Variants in PARVA observed in about 807,000 individuals in gnomAD.
The protein encoded by PARVA is alpha-parvin.
In PARVA, 25 loss-of-function variants were observed where a neutral mutation model predicts 52.6. That is an observed-to-expected ratio of 0.48 (90% CI 0.35 to 0.66). The LOEUF is 0.66. Ranked by LOEUF, PARVA falls within the 30% of genes least tolerant of loss-of-function variation. PARVA has a pLI of 0.01. For missense variants in PARVA, 373 were observed against 450.9 expected, an observed-to-expected ratio of 0.83 and a Z score of 1.56; for synonymous variants, 185 against 179.1, an observed-to-expected ratio of 1.03 and a Z score of -0.26.
chr11:12,475,748 T>C (rs923326189), intron 3 of PARVA, among the ~76,000 whole-genome samples: 6 of 146,804 alleles, frequency 4.1e-5, no homozygotes, highest in Non-Finnish European at 7.4e-5. Flanking sequence ...GAGGCAGCCT[T>C]GGCTAGGCCG....
intron 1 of PARVA, among the ~76,000 whole-genome samples, chr11:12,446,987 G>A (rs544083713): frequency 6.6e-6 from 1 of 152,284 alleles, no homozygotes; most frequent in Admixed American, 6.5e-5. Context: ...CTTCTTCCAG[G>A]CCTGTGTTAT....
rs563207822 is a variant in PARVA at position 12,459,902 on chromosome 11, AAAAC to A, written c.137-13835_137-13832del. Among the ~76,000 whole-genome samples the A allele has an allele frequency of 9.2e-5, 14 of 152,320 alleles. No homozygotes were observed. The East Asian group carries it at 2.5e-3, about 27-fold the overall frequency. On this transcript the variant is annotated intron_variant, in intron 1 of 12. Transcript: ENST00000334956. ...TCAGAAAAAAAATCAACCATTATTT[AAAAC>A]AAACAAAAACACTGCTCAAATATCA...
At chr11:12,437,476 C>T (rs1251084267) in intron 1 of PARVA, among the ~76,000 whole-genome samples, 1 of 152,218 alleles carries the variant, frequency 6.6e-6, no homozygotes, top group Admixed American at 6.5e-5. Flanking sequence ...TATGAACTGG[C>T]CATCTTGGCA....
At chr11:12,445,425 A>T (rs1564848803) in intron 1 of PARVA, among the ~76,000 whole-genome samples, 1 of 152,102 alleles carries the variant, frequency 6.6e-6, no homozygotes, top group Non-Finnish European at 1.5e-5. Context: ...AAATACCCTG[A>T]TTGTCTCTCC....
chr11:12,457,013 A>C lies in PARVA; in HGVS notation c.137-16732A>C, dbSNP rs1037284934. ...TTTATAGTTTCTTATGGCCTTTGCCACTCTATGCTTATATTGTGCGTGTTT... is the reference window on the plus strand; with the variant it reads ...TTTATAGTTTCTTATGGCCTTTGCCCCTCTATGCTTATATTGTGCGTGTTT... On this transcript the variant is annotated intron_variant, in intron 1 of 12. Transcript: ENST00000334956. Among the ~76,000 whole-genome samples the C allele has an allele frequency of 2.6e-5, 4 of 152,084 alleles. No individual in the cohort carries two copies. The East Asian group carries it at 7.7e-4, about 29-fold the overall frequency.
Position 12,504,348 on chromosome 11 carries a change from C to T in PARVA, c.576C>T (p.His192=). 2 of 1,613,552 alleles carry T rather than the reference C, an allele frequency of 1.2e-6. No homozygotes were observed. Among genetic ancestry groups the T allele is most frequent in the Non-Finnish European group, 1.7e-6 (2 of 1,179,478 alleles). Residue 192 remains histidine, a synonymous_variant, in exon 6 of 13, where the codon CAC becomes CAT. Coordinates refer to ENST00000334956, the MANE Select transcript of PARVA (RefSeq NM_018222.5). ...VHAKSLVAIL[H]LLVALSQYFR... ...CCAAGAGCCTGGTGGCCATCTTACA[C>T]CTGCTCGTTGCTCTGTCTCAGTATT...
rs2135095506 is a variant in PARVA, at chr11:12,528,996, C to T, written c.*1071C>T. The T allele has an allele frequency of 6.5e-6, 1 of 152,756 alleles. No individual in the cohort carries two copies. The highest frequency in any genetic ancestry group is 3.4e-3 in the Middle Eastern group (1 of 294). 9.5% of individuals were successfully genotyped at this position (152,756 alleles called of 1,614,324 possible). A position where few individuals can be genotyped will look rare whatever the true frequency, so the allele number is the denominator to read the frequency against. On this transcript the variant is annotated 3_prime_UTR_variant, in exon 13 of 13. Transcript: ENST00000334956. ...TCGTTAAGCAAATGTACAATATGCT[C>T]AGGCACCGCAGAGAGCTGGGCACGG...
At position 12,477,841 on chromosome 11, in the gene PARVA, C is replaced by T. The variant is rs1391190730; in HGVS notation, c.298-6C>T. 5 of 1,448,584 alleles carry T rather than the reference C, an allele frequency of 3.5e-6. No homozygotes were observed. The African/African-American group carries it at 5.6e-5, about 16-fold the overall frequency. The allele number at this position is 1,448,584 out of a possible 1,614,324, so 89.7% of individuals were successfully genotyped here. ...TATTGCACATTCCCTTTCTCTCTCT[C>T]TGTAGGTATTAATTGACTGGATTAA... On this transcript the variant is annotated splice_polypyrimidine_tract_variant and splice_region_variant and intron_variant, in intron 3 of 12. Coordinates refer to ENST00000334956, the MANE Select transcript of PARVA (RefSeq NM_018222.5).
Position 12,530,954 on chromosome 11 carries a change from A to G in PARVA, c.*3029A>G, listed in dbSNP as rs1247322459. Among the ~76,000 whole-genome samples the G allele has an allele frequency of 2.0e-5, 3 of 152,196 alleles. No individual in the cohort carries two copies. The highest frequency in any genetic ancestry group is 1.3e-4 in the Admixed American group (2 of 15,288). On this transcript the variant is annotated 3_prime_UTR_variant, in exon 13 of 13. Transcript: ENST00000334956. ...GGTGCAGGACCAGAGGCTGGGGCAC[A>G]TTATCAGAGGCATCCTCATGTGCCT...
At chr11:12,473,862 C>A in intron 2 of PARVA, 28 bp downstream of exon 2, 1 of 1,563,076 alleles carries the variant, frequency 6.4e-7, no homozygotes, top group Non-Finnish European at 8.7e-7. Context: ...TCTGAATTCG[C>A]TTAAGCTTTC....
chr11:12,377,976 C>A (rs946533203), intron 1 of PARVA, among the ~76,000 whole-genome samples, 193 bp downstream of exon 1: 4 of 148,224 alleles, frequency 2.7e-5, no homozygotes, highest in Non-Finnish European at 3.0e-5. Context: ...GCCCGGGGCT[C>A]GCGGGCCATC....
chr11:12,404,120 T>C (rs1157548411), intron 1 of PARVA, among the ~76,000 whole-genome samples: 1 of 150,750 alleles, frequency 6.6e-6, no homozygotes, highest in Non-Finnish European at 1.5e-5. Flanking sequence ...TTTTTTTTAA[T>C]CACTGAGAAA....
At chr11:12,457,267 G>A (rs775329519) in intron 1 of PARVA, among the ~76,000 whole-genome samples, 1 of 152,168 alleles carries the variant, frequency 6.6e-6, no homozygotes, top group Non-Finnish European at 1.5e-5. Context: ...TAGGTTCTCT[G>A]TACAGATTTG....
At chr11:12,414,962 C>G (rs1322241897) in intron 1 of PARVA, among the ~76,000 whole-genome samples, 1 of 152,180 alleles carries the variant, frequency 6.6e-6, no homozygotes, top group African/African-American at 2.4e-5. Context: ...ATCCCACAGT[C>G]TCAAGGGCAG....
intron 4 of PARVA, among the ~76,000 whole-genome samples, chr11:12,490,560 T>C (rs942869918): frequency 6.7e-6 from 1 of 148,642 alleles, no homozygotes; most frequent in Non-Finnish European, 1.5e-5. Flanking sequence ...GCATTTTCAA[T>C]AAACACAAAC....
intron 4 of PARVA, among the ~76,000 whole-genome samples, chr11:12,483,197 A>C (rs1228605526): frequency 2.0e-5 from 3 of 152,158 alleles, no homozygotes; most frequent in Non-Finnish European, 4.4e-5. Context: ...GTCCTTTCTT[A>C]GCTGCCCAAC....
chr11:12,405,696 C>T (rs528190277), intron 1 of PARVA, among the ~76,000 whole-genome samples: 28 of 152,172 alleles, frequency 1.8e-4, no homozygotes, highest in Non-Finnish European at 3.5e-4. Context: ...GTGGCTCACC[C>T]CTGTAATCCC....
Position 12,513,187 on chromosome 11 carries a change from C to T in PARVA, c.737-112C>T, listed in dbSNP as rs1335641269. The T allele has an allele frequency of 4.7e-6, 4 of 846,228 alleles. No individual in the cohort carries two copies. The South Asian group carries it at 5.3e-5, about 11-fold the overall frequency. The allele number at this position is 846,228 out of a possible 1,614,324, so 52.4% of individuals were successfully genotyped here. On this transcript the variant is annotated intron_variant, in intron 8 of 12. Transcript: ENST00000334956. Reference sequence around the variant, plus strand: ...CACAGTCTATACCCCAGAGGCTTCCCATCGGTAGTTGACCTTGTGACCTTG... The same window carrying T: ...CACAGTCTATACCCCAGAGGCTTCCTATCGGTAGTTGACCTTGTGACCTTG...
At chr11:12,390,041 T>C (rs897431785) in intron 1 of PARVA, among the ~76,000 whole-genome samples, 9 of 152,130 alleles carry the variant, frequency 5.9e-5, no homozygotes, top group African/African-American at 2.2e-4. Context: ...TTCATGAAAA[T>C]GCAGCCCATC....
Sources: gnomAD v4.1 joint callset for allele counts (sites outside exome capture counted in the v4.1 genomes callset) on GRCh38, gnomAD v4.1.1 for gene constraint, MANE v1.5 for transcripts, NCBI Gene and HGNC (gene_info 2026-07-23, HGNC 2026-07-21) for gene names.